Variants in ANP32A observed in about 807,000 individuals in gnomAD.
ANP32A encodes the protein acidic nuclear phosphoprotein 32 family member A.
Under a neutral mutation model 33.9 loss-of-function variants are expected in ANP32A, and 1 was observed. The ratio of observed to expected loss-of-function variants is 0.03; its 90% confidence interval spans 0.01 to 0.14. ANP32A has a LOEUF of 0.14. Ranked by LOEUF, ANP32A falls within the 10% of genes least tolerant of loss-of-function variation. The pLI is 1.00. For synonymous variants in ANP32A, 115 were observed against 120.5 expected, an observed-to-expected ratio of 0.95 and a Z score of 0.30; for missense variants, 155 against 306.0, an observed-to-expected ratio of 0.51 and a Z score of 3.68.
Position 68,820,862 on chromosome 15 carries a change from G to C in ANP32A, c.-111C>G, listed in dbSNP as rs1031767551. 33 of 1,317,058 alleles carry C rather than the reference G, an allele frequency of 2.5e-5. No homozygotes were observed. The African/African-American group carries it at 4.2e-4, about 17-fold the overall frequency. 81.6% of individuals were successfully genotyped at this position (1,317,058 alleles called of 1,614,324 possible). On this transcript the variant is annotated 5_prime_UTR_variant, in exon 1 of 7. Coordinates refer to ENST00000465139, the MANE Select transcript of ANP32A (RefSeq NM_006305.4). ...TTTGAAGGCTCAACCAGCTCCGCTC[G>C]GTTCTCGAGCCCCCAGCACCCGCGG...
intron 1 of ANP32A, among the ~76,000 whole-genome samples, chr15:68,793,811 G>A (rs530449727): frequency 2.6e-5 from 4 of 152,284 alleles, no homozygotes; most frequent in South Asian, 4.1e-4. Context: ...TGACAGCAGC[G>A]CATTAAACCA....
At chr15:68,781,368 C>G (rs1893864564) in intron 5 of ANP32A, 1 of 148,644 alleles carries the variant, frequency 6.7e-6, no homozygotes, top group African/African-American at 2.5e-5. Flanking sequence ...AAACAAAATC[C>G]ACAACCCTCC....
At chr15:68,807,610 T>G (rs778895901) in intron 1 of ANP32A, among the ~76,000 whole-genome samples, 2 of 151,316 alleles carry the variant, frequency 1.3e-5, no homozygotes, top group African/African-American at 2.4e-5. Context: ...ACCAAACAGC[T>G]CATTCAAGCC....
At chr15:68,803,606 A>C (rs557441754) in intron 1 of ANP32A, among the ~76,000 whole-genome samples, 73 of 152,084 alleles carry the variant, frequency 4.8e-4, no homozygotes, top group Non-Finnish European at 8.5e-4. Flanking sequence ...TGTTTGATGG[A>C]GTGTCAGAGC....
At chr15:68,813,624 G>A (rs1596075993) in intron 1 of ANP32A, among the ~76,000 whole-genome samples, 1 of 152,174 alleles carries the variant, frequency 6.6e-6, no homozygotes, top group East Asian at 1.9e-4. Flanking sequence ...CTAGAGTAAG[G>A]GATGGACTGC....
intron 1 of ANP32A, chr15:68,789,478 C>G (rs1256257933): frequency 6.6e-6 from 1 of 152,306 alleles, no homozygotes; most frequent in African/African-American, 2.4e-5. Context: ...TGCCTAGCTT[C>G]TTCTTTCTGG....
chr15:68,812,852 C>T (rs936226204), intron 1 of ANP32A: 15 of 152,250 alleles, frequency 9.9e-5, no homozygotes, highest in African/African-American at 3.4e-4. Flanking sequence ...GCAGAAAGTT[C>T]GAAAGCCACT....
At chr15:68,814,229 C>T (rs1055553695) in intron 1 of ANP32A, among the ~76,000 whole-genome samples, 26 of 151,936 alleles carry the variant, frequency 1.7e-4, no homozygotes, top group Admixed American at 1.3e-4. Flanking sequence ...CTGGGATGGA[C>T]AGCTCTGAAA....
intron 1 of ANP32A, among the ~76,000 whole-genome samples, chr15:68,797,378 C>A (rs1894076615): frequency 6.6e-6 from 1 of 152,154 alleles, no homozygotes; most frequent in Non-Finnish European, 1.5e-5. Flanking sequence ...GATCTTATTA[C>A]AGAACCACAG....
At chr15:68,797,375 T>C (rs557138230) in intron 1 of ANP32A, among the ~76,000 whole-genome samples, 24 of 152,236 alleles carry the variant, frequency 1.6e-4, no homozygotes, top group African/African-American at 5.3e-4. Context: ...GGTGATCTTA[T>C]TACAGAACCA....
At chr15:68,817,234 C>T (rs1894394945) in intron 1 of ANP32A, among the ~76,000 whole-genome samples, 1 of 152,252 alleles carries the variant, frequency 6.6e-6, no homozygotes, top group African/African-American at 2.4e-5. Flanking sequence ...ACCTTCATCC[C>T]TCTCTTTCGC....
At chr15:68,781,274 T>G (rs1400386208) in intron 5 of ANP32A, 1 of 152,126 alleles carries the variant, frequency 6.6e-6, no homozygotes, top group Non-Finnish European at 1.5e-5. Context: ...GTTCTGGTTT[T>G]TTTTTGCATG....
chr15:68,809,620 T>C (rs1331126676), intron 1 of ANP32A, among the ~76,000 whole-genome samples: 2 of 152,216 alleles, frequency 1.3e-5, no homozygotes, highest in African/African-American at 4.8e-5. Context: ...AAAAACATGA[T>C]GACCAGCGAC....
At chr15:68,804,761 C>A (rs939660821) in intron 1 of ANP32A, among the ~76,000 whole-genome samples, 1 of 152,356 alleles carries the variant, frequency 6.6e-6, no homozygotes, top group East Asian at 1.9e-4. Context: ...GATCCACCTG[C>A]CTCGACCTCC....
Position 68,796,316 on chromosome 15 carries a change from T to C in ANP32A, c.55-8397A>G, listed in dbSNP as rs1338240977. Among the ~76,000 whole-genome samples the C allele has an allele frequency of 3.9e-5, 6 of 152,204 alleles. No individual in the cohort carries two copies. In the East Asian group the frequency reaches 1.2e-3, roughly 29 times the overall value. On this transcript the variant is annotated intron_variant, in intron 1 of 6. Coordinates refer to ENST00000465139, the MANE Select transcript of ANP32A (RefSeq NM_006305.4). ...GGCTGGTCTTCAACTCCTGACCTCA[T>C]GTGATCCACCTGCCTCCGCCTCCCA... is the stretch of plus-strand genomic sequence containing the variant.
rs398070692 is a variant in ANP32A, at chr15:68,800,743, C to CA, written c.55-12825dup. Among the ~76,000 whole-genome samples the CA allele has an allele frequency of 1.9e-4, 16 of 83,626 alleles. 1 individual carries two copies. Among genetic ancestry groups the CA allele is most frequent in the East Asian group, 6.2e-4 (2 of 3,216 alleles). The allele number at this position is 83,626 out of a possible 152,430, so 54.9% of individuals were successfully genotyped here. Reference sequence around the variant, plus strand: ...TGGGCGACACAGCGAGACTCCGTCTCAAAAAAAAAAAAAAGAAAGAAAAGA... The same window carrying CA: ...TGGGCGACACAGCGAGACTCCGTCTCAAAAAAAAAAAAAAAGAAAGAAAAGA... On this transcript the variant is annotated intron_variant, in intron 1 of 6. Transcript: ENST00000465139.
chr15:68,801,933 T>A (rs1393758090), intron 1 of ANP32A: 1 of 154,264 alleles, frequency 6.5e-6, no homozygotes, highest in African/African-American at 2.4e-5. Flanking sequence ...TTCTCAAACA[T>A]CCTGAGAGGG....
In ANP32A at chr15:68,779,345, G is replaced by A. The variant is rs1893834810; in HGVS notation, c.*736C>T. On this transcript the variant is annotated 3_prime_UTR_variant, in exon 7 of 7. Transcript: ENST00000465139. ...ACAGTTTTTTTTTTCTTTTAAAGAA[G>A]TTGAAGTTTGAAGGTGTGTTTCTTC... 1 of 151,832 alleles carries A rather than the reference G, an allele frequency of 6.6e-6. No homozygotes were observed. The highest frequency in any genetic ancestry group is 1.9e-4 in the East Asian group (1 of 5,198). 9.4% of individuals were successfully genotyped at this position (151,832 alleles called of 1,614,324 possible). A position where few individuals can be genotyped will look rare whatever the true frequency, so the allele number is the denominator to read the frequency against.
intron 2 of ANP32A, 58 bp downstream of exon 2, chr15:68,787,712 T>C (rs1893950593): frequency 6.2e-7 from 1 of 1,607,764 alleles, no homozygotes; most frequent in Non-Finnish European, 8.5e-7. Flanking sequence ...ACATAGGTAA[T>C]AACCCTTCCC....
Sources: allele counts gnomAD v4.1 joint callset (sites outside exome capture counted in the v4.1 genomes callset), GRCh38; gene constraint gnomAD v4.1.1; transcripts MANE v1.5; gene names NCBI Gene and HGNC (gene_info 2026-07-23, HGNC 2026-07-21).